LAMA3: variants seen among roughly 807,000 people sequenced by gnomAD.
The protein encoded by LAMA3 is laminin subunit alpha-3.
LAMA3 carries 281 observed loss-of-function variants against 402.0 expected under a neutral mutation model. That is an observed-to-expected ratio of 0.70 (90% CI 0.63 to 0.77). LAMA3 has a LOEUF of 0.77. LAMA3 is among the 30% of genes least tolerant of loss of function. LAMA3 has a pLI of 0.00. For synonymous variants in LAMA3, 1,431 were observed against 1,558.4 expected (o/e 0.92, Z 1.93); for missense variants, 3,840 against 4,215.5 (o/e 0.91, Z 2.47).
Position 23,821,485 on chromosome 18 carries a change from G to A in LAMA3, c.2305-767G>A, listed in dbSNP as rs555050606. 4.6e-5 allele frequency among the ~76,000 whole-genome samples: 7 copies of A among 152,294 alleles called. No homozygotes were observed. The East Asian group carries it at 1.2e-3, about 25-fold the overall frequency. On this transcript the variant is annotated intron_variant, in intron 19 of 74. Transcript: ENST00000313654. The stretch of plus-strand genomic sequence containing the variant: ...GAAATGCTAAAAGAACCACTGATTT[G>A]GGAATTTCCAAGTTTCATGAAGTTT...
At chr18:23,716,958 G>A (rs111670079) in intron 2 of LAMA3, among the ~76,000 whole-genome samples, 360 of 152,214 alleles carry the variant, frequency 2.4e-3, no homozygotes, top group Non-Finnish European at 3.4e-3. Context: ...TAGAGCAGTC[G>A]TATTTTTTAT....
chr18:23,935,013 T>G (rs1568363675), intron 67 of LAMA3, among the ~76,000 whole-genome samples: 1 of 152,262 alleles, frequency 6.6e-6, no homozygotes. Flanking sequence ...ATCTTTAGAA[T>G]TGCCCCATCA....
At chr18:23,797,408 T>G (rs2062785530) in intron 12 of LAMA3, among the ~76,000 whole-genome samples, 1 of 152,208 alleles carries the variant, frequency 6.6e-6, no homozygotes, top group Admixed American at 6.5e-5. Context: ...TTGCTCTTTC[T>G]TGCTTTAAAA....
chr18:23,705,933 G>A (rs2060881160), intron 1 of LAMA3, among the ~76,000 whole-genome samples: 1 of 152,088 alleles, frequency 6.6e-6, no homozygotes, highest in African/African-American at 2.4e-5. Flanking sequence ...CATTCCCTCT[G>A]TCTCTTACAT....
intron 12 of LAMA3, among the ~76,000 whole-genome samples, chr18:23,805,566 G>A (rs768116866): frequency 2.0e-5 from 3 of 152,152 alleles, no homozygotes; most frequent in Non-Finnish European, 4.4e-5. Flanking sequence ...CAGAACTGGG[G>A]AAATAACTAC....
intron 2 of LAMA3, among the ~76,000 whole-genome samples, chr18:23,717,474 G>A (rs2061122116): frequency 6.7e-6 from 1 of 150,054 alleles, no homozygotes; most frequent in South Asian, 2.1e-4. Context: ...AGACTAGTTG[G>A]TGTTTTTCAT....
At chr18:23,745,707 A>G (rs2061641549) in intron 2 of LAMA3, among the ~76,000 whole-genome samples, 1 of 152,224 alleles carries the variant, frequency 6.6e-6, no homozygotes, top group Non-Finnish European at 1.5e-5. Flanking sequence ...AAATGAGAGA[A>G]TGTTTGTGAA....
At chr18:23,935,491 A>G (rs541041001) in intron 67 of LAMA3, among the ~76,000 whole-genome samples, 31 of 152,296 alleles carry the variant, frequency 2.0e-4, no homozygotes, top group African/African-American at 6.7e-4. Flanking sequence ...GGAATAGGAC[A>G]TTAGTCTCTG....
At chr18:23,757,869 A>G (rs774096163) in intron 6 of LAMA3, among the ~76,000 whole-genome samples, 1 of 152,226 alleles carries the variant, frequency 6.6e-6, no homozygotes, top group Non-Finnish European at 1.5e-5. Flanking sequence ...TGGCCCCATG[A>G]TGGAGCTGGC....
chr18:23,707,114 C>G (rs1211859745), intron 1 of LAMA3, among the ~76,000 whole-genome samples: 1 of 152,164 alleles, frequency 6.6e-6, no homozygotes, highest in Non-Finnish European at 1.5e-5. Context: ...TTTTCTCTCA[C>G]AATTCTGTGG....
At chr18:23,861,061 G>A (rs2064207163) in intron 34 of LAMA3, among the ~76,000 whole-genome samples, 1 of 151,998 alleles carries the variant, frequency 6.6e-6, no homozygotes, top group Non-Finnish European at 1.5e-5. Context: ...CTCCTAAAAG[G>A]AGTGTAGCTA....
chr18:23,755,646 G>A lies in LAMA3; in HGVS notation c.947+1834G>A, dbSNP rs563658561. On this transcript the variant is annotated intron_variant, in intron 6 of 74. Transcript: ENST00000313654. ...TGTTGACCTTGCTGCATGGATAAGC[G>A]GAAGGACCTCAAATTTAATTCTGAG... Among the ~76,000 whole-genome samples, 6 of 152,280 alleles carry A rather than the reference G, an allele frequency of 3.9e-5. No homozygotes were observed. In the East Asian group the frequency reaches 5.8e-4, roughly 15 times the overall value.
chr18:23,823,134 G>A (rs2063319578), intron 20 of LAMA3, among the ~76,000 whole-genome samples: 4 of 152,180 alleles, frequency 2.6e-5, no homozygotes. Context: ...TCCGAGTTGT[G>A]TCAACCCAAC....
At chr18:23,914,592 A>C (rs762282076) in intron 57 of LAMA3, 31 bp downstream of exon 57, 1 of 1,612,914 alleles carries the variant, frequency 6.2e-7, no homozygotes, top group Non-Finnish European at 8.5e-7. Flanking sequence ...ACCTGTGCTC[A>C]CCAAACTTCC....
At position 23,914,496 on chromosome 18, in the gene LAMA3, A is replaced by G. The variant is rs2081542678; in HGVS notation, c.7416A>G (p.Gln2472=). 6.2e-7 allele frequency: 1 copy of G among 1,614,128 alleles called. No homozygotes were observed. The highest frequency in any genetic ancestry group is 8.5e-7 in the Non-Finnish European group (1 of 1,180,018). ...YNLGDREAEL[Q]VDQILTKSET... The stretch of plus-strand genomic sequence containing the variant: ...TGGGGGACCGTGAGGCTGAACTCCA[A>G]GTGGACCAGATCTTGACCAAGAGTG... The change falls in exon 57 of 75, where the codon CAA becomes CAG. Residue 2472 remains glutamine, a synonymous_variant. Transcript: ENST00000313654.
intron 2 of LAMA3, among the ~76,000 whole-genome samples, chr18:23,746,787 G>A (rs2061658841): frequency 6.6e-6 from 1 of 151,356 alleles, no homozygotes; most frequent in African/African-American, 2.4e-5. Context: ...TATAAAGGGG[G>A]TCCTGAGACC....
Position 23,824,436 on chromosome 18 carries a change from CAA to C in LAMA3, c.2444_2445del (p.Lys815ArgfsTer8), listed in dbSNP as rs2063342589. On this transcript the variant is annotated frameshift_variant, in exon 21 of 75. Coordinates refer to ENST00000313654, the MANE Select transcript of LAMA3 (RefSeq NM_198129.4). LOFTEE classifies it high-confidence loss of function. ...TATTTCTGATAGGTGCTGCTCAAAGCAAAGAGATCATCTTCCTGCCGAGTAAG... is the reference window on the plus strand; with the variant it reads ...TATTTCTGATAGGTGCTGCTCAAAGCAGAGATCATCTTCCTGCCGAGTAAG... ...IYPSWGAAQSKEIIFLPSKEP... is the reference protein window; with the variant it reads ...IYPSWGAAQSXEIIFLPSKEP... 6 of 1,614,108 alleles carry C rather than the reference CAA, an allele frequency of 3.7e-6. No homozygotes were observed. Among genetic ancestry groups the C allele is most frequent in the South Asian group, 1.1e-5 (1 of 91,080 alleles).
At chr18:23,790,843 A>G (rs748774621) in intron 12 of LAMA3, among the ~76,000 whole-genome samples, 6 of 152,148 alleles carry the variant, frequency 3.9e-5, no homozygotes, top group Non-Finnish European at 7.4e-5. Context: ...AGCAAGGACC[A>G]AAGAGATAAA....
At chr18:23,900,107 A>C (rs1166317055) in intron 47 of LAMA3, among the ~76,000 whole-genome samples, 1 of 151,828 alleles carries the variant, frequency 6.6e-6, no homozygotes, top group Non-Finnish European at 1.5e-5. Flanking sequence ...GTCTCACTCC[A>C]TTACTCAGGC....
Sources: gnomAD v4.1 joint callset for allele counts (sites outside exome capture counted in the v4.1 genomes callset) on GRCh38, gnomAD v4.1.1 for gene constraint, MANE v1.5 for transcripts, NCBI Gene and HGNC (gene_info 2026-07-23, HGNC 2026-07-21) for gene names.